EPRS1: variants seen among roughly 807,000 people sequenced by gnomAD.
EPRS1 encodes the protein bifunctional glutamate/proline--tRNA ligase.
Under a neutral mutation model 188.3 loss-of-function variants are expected in EPRS1, and 107 were observed. That is an observed-to-expected ratio of 0.57 (90% CI 0.49 to 0.67). The LOEUF is 0.67. Among genes scored for constraint, EPRS1 ranks in the 30% least tolerant of loss-of-function variants. EPRS1 has a pLI of 0.00. For synonymous variants in EPRS1, 596 were observed against 593.1 expected (o/e 1.00, Z -0.07); for missense variants, 1,577 against 1,802.2 (o/e 0.88, Z 2.26).
intron 30 of EPRS1, 160 bp from the exon 31 acceptor site, chr1:219,969,282 C>T (rs1660622148): frequency 1.6e-6 from 1 of 615,730 alleles, no homozygotes; most frequent in Non-Finnish European, 2.9e-6. Context: ...AGGAACTTTG[C>T]TCAGTTATAA....
intron 5 of EPRS1, among the ~76,000 whole-genome samples, chr1:220,030,879 G>T (rs1382675652): frequency 6.6e-6 from 1 of 152,116 alleles, no homozygotes; most frequent in East Asian, 1.9e-4. Context: ...ATCACTTGAG[G>T]TCAGAAGTTT....
At chr1:219,997,430 G>T in intron 17 of EPRS1, 88 bp from the exon 18 acceptor site, 1 of 1,190,850 alleles carries the variant, frequency 8.4e-7, no homozygotes, top group Non-Finnish European at 1.1e-6. Flanking sequence ...GTTTTATAAT[G>T]TTTCCAATTA....
chr1:220,004,979 G>A (rs1661430847), intron 16 of EPRS1, among the ~76,000 whole-genome samples: 2 of 152,008 alleles, frequency 1.3e-5, no homozygotes, highest in African/African-American at 4.8e-5. Context: ...CTGAAATTTT[G>A]TTCTTTATAC....
chr1:219,980,730 T>C, intron 25 of EPRS1, 26 bp downstream of exon 25: 3 of 1,501,126 alleles, frequency 2.0e-6, no homozygotes, highest in Non-Finnish European at 2.8e-6. Flanking sequence ...TGGAACATAG[T>C]TAATATGGAA....
chr1:220,015,763 G>A lies in EPRS1; in HGVS notation c.1494+2686C>T, dbSNP rs183257314. Among the ~76,000 whole-genome samples the A allele has an allele frequency of 3.8e-3, 573 of 150,376 alleles. 4 individuals carry two copies. The highest frequency in any genetic ancestry group is 6.0e-3 in the Non-Finnish European group (405 of 67,726). On this transcript the variant is annotated intron_variant, in intron 12 of 31. Coordinates refer to ENST00000366923, the MANE Select transcript of EPRS1 (RefSeq NM_004446.3). ...CTGGACTGAGTCTCCAAAGAATGAC[G>A]TATTACCTTCAGGAAAGCAAGAAGG...
chr1:219,973,784 C>T (rs1660718032), intron 28 of EPRS1, among the ~76,000 whole-genome samples: 1 of 152,142 alleles, frequency 6.6e-6, no homozygotes, highest in South Asian at 2.1e-4. Context: ...ATTTTTGACT[C>T]ATTCCTGATA....
rs1330402430 is a variant in EPRS1, at chr1:219,969,123, CTAAT to C, written c.4324-5_4324-2del. 1.9e-6 allele frequency: 3 copies of C among 1,599,096 alleles called. No individual in the cohort carries two copies. In the East Asian group the frequency reaches 6.7e-5, roughly 36 times the overall value. On this transcript the variant is annotated splice_acceptor_variant and splice_polypyrimidine_tract_variant and intron_variant, in intron 30 of 31. Coordinates refer to ENST00000366923, the MANE Select transcript of EPRS1 (RefSeq NM_004446.3). LOFTEE classifies it high-confidence loss of function. ...CCCCACAGAATGGAATCTGAACAAT[CTAAT>C]TAAGAAAAGGAAAAGTAATCAGTAT...
At chr1:220,038,693 T>C (rs939353258) in intron 2 of EPRS1, among the ~76,000 whole-genome samples, 12 of 152,032 alleles carry the variant, frequency 7.9e-5, no homozygotes, top group African/African-American at 2.4e-4. Flanking sequence ...CCCTGTTTCA[T>C]AGGGGAGCAG....
At chr1:219,991,184 G>T in intron 18 of EPRS1, among the ~76,000 whole-genome samples, 1 of 138,780 alleles carries the variant, frequency 7.2e-6, no homozygotes. Flanking sequence ...TTTTTCAGCA[G>T]CCACTAGATG....
rs777201453 is a variant in EPRS1, at chr1:220,025,213, G to A, written c.669C>T (p.His223=). 4.1e-5 allele frequency: 66 copies of A among 1,611,730 alleles called. No homozygotes were observed. Among genetic ancestry groups the A allele is most frequent in the South Asian group, 1.9e-4 (17 of 90,908 alleles). ...GHAKAALLNQ[H]YQVNFKGKLI... ...GTTTCCCTTTAAAGTTAACCTGGTA[G>A]TGCTGGTTCAGAAGAGCAGCTTTTG... The change falls in exon 7 of 32, where the codon CAC becomes CAT. Residue 223 remains histidine, a synonymous_variant. Coordinates refer to ENST00000366923, the MANE Select transcript of EPRS1 (RefSeq NM_004446.3).
intron 28 of EPRS1, among the ~76,000 whole-genome samples, chr1:219,974,984 A>G (rs907857859): frequency 1.3e-5 from 2 of 152,232 alleles, no homozygotes; most frequent in African/African-American, 4.8e-5. Context: ...TAATAAGTAA[A>G]TTATTCGTCC....
chr1:219,980,234 G>A lies in EPRS1; in HGVS notation c.3562C>T (p.Gln1188Ter). 1.2e-6 allele frequency: 2 copies of A among 1,608,976 alleles called. No individual in the cohort carries two copies. The highest frequency in any genetic ancestry group is 8.5e-7 in the Non-Finnish European group (1 of 1,176,552). Residue 1188 changes from glutamine to a stop codon, truncating the protein, a stop_gained, in exon 26 of 32, where the codon CAG becomes TAG. Transcript: ENST00000366923. LOFTEE classifies it high-confidence loss of function. ...ACCTGAGCATATAAGTCAAGTATCT[G>A]CAAGACCTGTAACATTTTAAATGTA... ...TMEEAAEEVL[Q>*]ILDLYAQVYE...
At chr1:220,021,474 C>T (rs1661877141) in intron 9 of EPRS1, among the ~76,000 whole-genome samples, 1 of 152,144 alleles carries the variant, frequency 6.6e-6, no homozygotes, top group African/African-American at 2.4e-5. Context: ...GTTGGCATTA[C>T]AGGCATGAGC....
chr1:219,995,286 G>T (rs1661209548), intron 18 of EPRS1, among the ~76,000 whole-genome samples: 1 of 152,162 alleles, frequency 6.6e-6, no homozygotes, highest in South Asian at 2.1e-4. Flanking sequence ...ATGGGTGATG[G>T]ATTCATAGTT....
At chr1:220,046,265 G>C in intron 1 of EPRS1, 78 bp downstream of exon 1, 10 of 1,561,948 alleles carry the variant, frequency 6.4e-6, no homozygotes, top group South Asian at 2.2e-5. Flanking sequence ...GCGCAAAGCC[G>C]GGGCGCAGCG....
At position 220,016,348 on chromosome 1, in the gene EPRS1, AGAAAAAG is replaced by A. The variant is rs1324479838; in HGVS notation, c.1494+2094_1494+2100del. ...AACAGGGTGAGATTCCGCTACAAAAAGAAAAAGAAAAAAGAAAAAAAGAGTACGCAGG... is the reference window on the plus strand; with the variant it reads ...AACAGGGTGAGATTCCGCTACAAAAAAAAAAAGAAAAAAAGAGTACGCAGG... On this transcript the variant is annotated intron_variant, in intron 12 of 31. Transcript: ENST00000366923. 5.3e-5 allele frequency among the ~76,000 whole-genome samples: 8 copies of A among 149,678 alleles called. No individual in the cohort carries two copies. The East Asian group carries it at 1.6e-3, about 29-fold the overall frequency.
intron 12 of EPRS1, among the ~76,000 whole-genome samples, chr1:220,011,831 A>G (rs1022445831): frequency 4.6e-5 from 7 of 152,248 alleles, no homozygotes; most frequent in Admixed American, 4.6e-4. Context: ...ATGATGACCA[A>G]TCACAAGAGC....
At chr1:219,993,737 G>A (rs186362007) in intron 18 of EPRS1, among the ~76,000 whole-genome samples, 3 of 152,266 alleles carry the variant, frequency 2.0e-5, no homozygotes, top group South Asian at 2.1e-4. Flanking sequence ...ACTCTCTAGC[G>A]CTTTCAATGG....
intron 18 of EPRS1, among the ~76,000 whole-genome samples, chr1:219,994,640 C>CTTTTTTTT (rs71169424): frequency 1.8e-5 from 2 of 109,490 alleles, no homozygotes; most frequent in South Asian, 3.0e-4. Context: ...GTAACTTCTT[C>CTTTTTTTT]TTTTTTTTTT....
Sources: gnomAD v4.1 joint callset for allele counts (sites outside exome capture counted in the v4.1 genomes callset) on GRCh38, gnomAD v4.1.1 for gene constraint, MANE v1.5 for transcripts, NCBI Gene and HGNC (gene_info 2026-07-23, HGNC 2026-07-21) for gene names.